The following RNF38 variants were observed in gnomAD, a reference collection of about 807,000 sequenced individuals.
The protein encoded by RNF38 is ring finger protein 38.
RNF38 carries 15 observed loss-of-function variants against 67.2 expected under a neutral mutation model. The ratio of observed to expected loss-of-function variants is 0.22; its 90% CI spans 0.15 to 0.34. RNF38 has a LOEUF of 0.34. Among genes scored for constraint, RNF38 ranks in the 10% least tolerant of loss-of-function variants. The pLI is 1.00. For synonymous variants in RNF38, 220 were observed against 218.8 expected (o/e 1.01, Z -0.05); for missense variants, 524 against 639.9 (o/e 0.82, Z 1.95).
At chr9:36,487,158 G>T in intron 1 of RNF38, 3 of 438,464 alleles carry the variant, frequency 6.8e-6, no homozygotes, top group Non-Finnish European at 9.1e-6. Context: ...GAGGCGCAGG[G>T]CTCGCAGGGG....
At chr9:36,433,242 G>A (rs1838975390) in intron 1 of RNF38, among the ~76,000 whole-genome samples, 2 of 151,474 alleles carry the variant, frequency 1.3e-5, no homozygotes, top group African/African-American at 2.4e-5. Flanking sequence ...GTCAACATAA[G>A]TTTAATTATA....
chr9:36,396,321 G>A lies in RNF38; in HGVS notation c.12+3776C>T, dbSNP rs545876876. Among the ~76,000 whole-genome samples the A allele has an allele frequency of 9.8e-5, 15 of 152,300 alleles. 1 individual carries two copies. In the South Asian group the frequency reaches 2.9e-3, roughly 29 times the overall value. On this transcript the variant is annotated intron_variant, in intron 1 of 11. Coordinates refer to ENST00000259605, the MANE Select transcript of RNF38 (RefSeq NM_022781.5). ...ACTCACCTGCAGGTTACCATTAAATGAAGTCAGTGGTTGCCCAGTAAGTCC... is the reference window on the plus strand; with the variant it reads ...ACTCACCTGCAGGTTACCATTAAATAAAGTCAGTGGTTGCCCAGTAAGTCC...
intron 2 of RNF38, among the ~76,000 whole-genome samples, chr9:36,386,567 C>G (rs1277291232): frequency 1.3e-5 from 2 of 152,138 alleles, no homozygotes; most frequent in African/African-American, 4.8e-5. Context: ...AAGACTGAGA[C>G]CTGCTGGGCT....
intron 8 of RNF38, 99 bp downstream of exon 8, chr9:36,352,639 ATAAC>A (rs1414508193): frequency 3.9e-5 from 35 of 901,090 alleles, no homozygotes; most frequent in Non-Finnish European, 5.8e-5. Context: ...GTAAAGACAA[ATAAC>A]TAACACACCA....
intron 1 of RNF38, among the ~76,000 whole-genome samples, chr9:36,454,876 A>T (rs1713605973): frequency 6.6e-6 from 1 of 151,802 alleles, no homozygotes; most frequent in African/African-American, 2.4e-5. Context: ...GAGCCACTGC[A>T]CCCGACCTAA....
At chr9:36,401,343 C>T (rs919553686), upstream of RNF38, 5 of 423,150 alleles carry the variant, frequency 1.2e-5, no homozygotes, top group Non-Finnish European at 1.6e-5. Flanking sequence ...GGGCCCTGTT[C>T]CAATTCCTAT....
chr9:36,420,095 T>G (rs1225656609), intron 2 of RNF38, among the ~76,000 whole-genome samples: 1 of 152,186 alleles, frequency 6.6e-6, no homozygotes, highest in East Asian at 1.9e-4. Flanking sequence ...GAGTACAGAC[T>G]TGAGCAAGGC....
At chr9:36,437,062 T>C (rs943822101) in intron 1 of RNF38, among the ~76,000 whole-genome samples, 1 of 152,284 alleles carries the variant, frequency 6.6e-6, no homozygotes. Flanking sequence ...TAGGATATGA[T>C]GAGTGGCTGC....
upstream of RNF38, among the ~76,000 whole-genome samples, chr9:36,402,190 A>G (rs2134167603): frequency 6.6e-6 from 1 of 152,340 alleles, no homozygotes; most frequent in South Asian, 2.1e-4. Flanking sequence ...TTGGAATTCC[A>G]GGACAAACAA....
chr9:36,369,993 T>C, intron 3 of RNF38, 61 bp from the exon 4 acceptor site: 1 of 1,349,458 alleles, frequency 7.4e-7, no homozygotes, highest in East Asian at 2.4e-5. Context: ...GATTCTGTAT[T>C]GTCTTTCTTT....
chr9:36,352,214 C>T (rs1006664037), intron 8 of RNF38, among the ~76,000 whole-genome samples: 9 of 151,814 alleles, frequency 5.9e-5, no homozygotes, highest in Non-Finnish European at 1.0e-4. Flanking sequence ...GCAGGAAAAT[C>T]GCTGGAACCT....
At chr9:36,381,083 C>A (rs934795607) in intron 2 of RNF38, among the ~76,000 whole-genome samples, 3 of 152,098 alleles carry the variant, frequency 2.0e-5, no homozygotes, top group Admixed American at 1.3e-4. Context: ...GGGTTTCTCC[C>A]GTGAGAATTC....
Position 36,423,096 on chromosome 9 carries a change from CCTCT to C in RNF38, n.312+1513_312+1516del, listed in dbSNP as rs548120785. Among the ~76,000 whole-genome samples, 18 of 152,242 alleles carry C rather than the reference CCTCT, an allele frequency of 1.2e-4. No individual in the cohort carries two copies. In the South Asian group the frequency reaches 2.7e-3, roughly 23 times the overall value. On this transcript the variant is annotated intron_variant and non_coding_transcript_variant, in intron 2 of 3. Transcript: ENST00000488058. Reference sequence around the variant, plus strand: ...TAACCTAAAATGATTTTGCCTTCTCCCTCTATCATCACTCTTAATTTCAAATGCT... The same window carrying C: ...TAACCTAAAATGATTTTGCCTTCTCCATCATCACTCTTAATTTCAAATGCT...
In RNF38 at chr9:36,417,558, C is replaced by A. The variant is rs188392892; in HGVS notation, n.312+7055G>T. On this transcript the variant is annotated intron_variant and non_coding_transcript_variant, in intron 2 of 3. Coordinates refer to the RNF38 transcript ENST00000488058. ...ACAGAATCTCACTCTGTCACCCAGG[C>A]GGGAGTGCAGTGGTGCAATCTCGGT... 2.0e-5 allele frequency among the ~76,000 whole-genome samples: 3 copies of A among 152,238 alleles called. No individual in the cohort carries two copies. In the East Asian group the frequency reaches 5.8e-4, roughly 29 times the overall value.
At chr9:36,486,670 A>G (rs1840419282) in intron 1 of RNF38, among the ~76,000 whole-genome samples, 1 of 151,954 alleles carries the variant, frequency 6.6e-6, no homozygotes, top group Admixed American at 6.6e-5. Flanking sequence ...AAGTTTCCGA[A>G]GCTCTGCCCC....
upstream of RNF38, chr9:36,400,892 ACGCCCCTCCC>A (rs1363799550): frequency 8.6e-6 from 8 of 928,378 alleles, no homozygotes; most frequent in Non-Finnish European, 7.4e-6. Context: ...CGGCCCGGCC[ACGCCCCTCCC>A]CGCCCCGCCG....
chr9:36,480,553 T>TC lies in RNF38; in HGVS notation n.241+6754_241+6755insG, dbSNP rs1288416060. On this transcript the variant is annotated intron_variant and non_coding_transcript_variant, in intron 1 of 3. Transcript: ENST00000488058. ...TATACAGTTTTTTTCTTTTTCTTTT[T>TC]TTTTTTTTTTTTTTTTGAGACAGGG... is the stretch of plus-strand genomic sequence containing the variant. Among the ~76,000 whole-genome samples, 133 of 141,130 alleles carry TC rather than the reference T, an allele frequency of 9.4e-4. 1 individual carries two copies. In the East Asian group the frequency reaches 0.011, roughly 12 times the overall value. The allele number at this position is 141,130 out of a possible 152,430, so 92.6% of individuals were successfully genotyped here.
At chr9:36,369,158 G>T (rs1835185134) in intron 4 of RNF38, among the ~76,000 whole-genome samples, 2 of 152,208 alleles carry the variant, frequency 1.3e-5, no homozygotes, top group Admixed American at 1.3e-4. Context: ...ACCATCAGTT[G>T]TCTGCTATTT....
intron 1 of RNF38, among the ~76,000 whole-genome samples, chr9:36,427,861 C>A (rs1350164880): frequency 6.6e-6 from 1 of 151,640 alleles, no homozygotes; most frequent in Non-Finnish European, 1.5e-5. Flanking sequence ...CAAGTATGTA[C>A]CACCATGCCT....
Sources: gnomAD v4.1 joint callset for allele counts (sites outside exome capture counted in the v4.1 genomes callset) on GRCh38, gnomAD v4.1.1 for gene constraint, MANE v1.5 for transcripts, NCBI Gene and HGNC (gene_info 2026-07-23, HGNC 2026-07-21) for gene names.